Variants in NEBL observed in about 807,000 individuals in gnomAD.
NEBL encodes LIM and SH3 protein 2.
Under a neutral mutation model 140.2 loss-of-function variants are expected in NEBL, and 122 were observed. The observed-to-expected ratio is 0.87, with a 90% confidence interval of 0.75 to 1.01. The LOEUF is 1.01. NEBL is among the 50% of genes least tolerant of loss of function. The pLI, the probability that NEBL is intolerant of heterozygous loss-of-function variation, is 0.00. For synonymous variants in NEBL, 436 were observed against 398.9 expected, an observed-to-expected ratio of 1.09 and a Z score of -1.11; for missense variants, 1,365 against 1,231.3, an observed-to-expected ratio of 1.11 and a Z score of -1.62.
chr10:21,140,282 G>A (rs530970869), intron 2 of NEBL, among the ~76,000 whole-genome samples: 6 of 152,260 alleles, frequency 3.9e-5, no homozygotes, highest in African/African-American at 1.4e-4. Flanking sequence ...GTGAAAATAT[G>A]AGCGTTTTCA....
chr10:21,257,801 C>A (rs554202028), intron 1 of NEBL, among the ~76,000 whole-genome samples: 14 of 152,018 alleles, frequency 9.2e-5, no homozygotes, highest in South Asian at 4.2e-4. Context: ...AGGAGAATGG[C>A]GTGAAACCAG....
At chr10:20,803,228 T>G (rs1027704535) in intron 26 of NEBL, among the ~76,000 whole-genome samples, 1 of 152,174 alleles carries the variant, frequency 6.6e-6, no homozygotes, top group Non-Finnish European at 1.5e-5. Flanking sequence ...CAAGAATATA[T>G]TATACAGTTT....
Position 21,274,804 on chromosome 10 carries a change from CT to C in NEBL, n.182+18025del, listed in dbSNP as rs201568872. 5.9e-3 allele frequency among the ~76,000 whole-genome samples: 899 copies of C among 151,680 alleles called. 4 individuals are homozygous for C. The highest frequency in any genetic ancestry group is 0.02 in the African/African-American group (835 of 41,376). ...AAGAATCATAAGGAAAAAATATTTGCTTTTTTTAATTTAAATTATTAATATT... is the reference window on the plus strand; with the variant it reads ...AAGAATCATAAGGAAAAAATATTTGCTTTTTTAATTTAAATTATTAATATT... On this transcript the variant is annotated intron_variant and non_coding_transcript_variant, in intron 1 of 8. Coordinates refer to the NEBL transcript ENST00000675702.
chr10:20,946,900 C>T (rs898267389), intron 4 of NEBL, among the ~76,000 whole-genome samples: 1 of 151,966 alleles, frequency 6.6e-6, no homozygotes, highest in African/African-American at 2.4e-5. Context: ...TTTTTTGAAT[C>T]GTTAATAGCT....
chr10:21,247,543 T>C (rs900642494), intron 3 of NEBL, among the ~76,000 whole-genome samples: 3 of 152,318 alleles, frequency 2.0e-5, no homozygotes, highest in Non-Finnish European at 4.4e-5. Context: ...GGGGTCTTTC[T>C]AATTTTTCAC....
chr10:20,931,591 G>A (rs1305745956), intron 4 of NEBL, among the ~76,000 whole-genome samples: 1 of 152,034 alleles, frequency 6.6e-6, no homozygotes, highest in Admixed American at 6.5e-5. Flanking sequence ...AGGCCTCCTG[G>A]GGGAGGCTCC....
Position 20,828,719 on chromosome 10 carries a change from A to C in NEBL, c.1672-85T>G, listed in dbSNP as rs190846523. ...GAGGGAGGGAGGCAGGAAAGGAGGA[A>C]GGGAGAGAGAGAGAGTAAAAAACTG... On this transcript the variant is annotated intron_variant, in intron 16 of 27. Coordinates refer to ENST00000377122, the MANE Select transcript of NEBL (RefSeq NM_006393.3). 489 of 858,530 alleles carry C rather than the reference A, an allele frequency of 5.7e-4. 1 individual carries two copies. In the African/African-American group the frequency reaches 7.4e-3, roughly 13 times the overall value. The allele number at this position is 858,530 out of a possible 1,614,324, so 53.2% of individuals were successfully genotyped here.
chr10:21,198,089 T>C (rs1170661923), intron 3 of NEBL, among the ~76,000 whole-genome samples: 1 of 152,086 alleles, frequency 6.6e-6, no homozygotes, highest in Non-Finnish European at 1.5e-5. Context: ...ACAAACCTGT[T>C]GGTCATGTAA....
At chr10:21,269,043 G>T in intron 1 of NEBL, among the ~76,000 whole-genome samples, 1 of 152,228 alleles carries the variant, frequency 6.6e-6, no homozygotes, top group Non-Finnish European at 1.5e-5. Context: ...TTTGACCACC[G>T]CCAGAGCAGA....
At chr10:21,004,564 CA>C (rs1261607799) in intron 3 of NEBL, among the ~76,000 whole-genome samples, 1 of 152,000 alleles carries the variant, frequency 6.6e-6, no homozygotes, top group African/African-American at 2.4e-5. Context: ...ACTAAAAATA[CA>C]AAAAATCAGC....
chr10:21,180,354 A>C (rs1841367677), intron 3 of NEBL, among the ~76,000 whole-genome samples: 1 of 152,148 alleles, frequency 6.6e-6, no homozygotes, highest in South Asian at 2.1e-4. Context: ...TAAAATAATC[A>C]GTTGGAAAGG....
At chr10:21,072,228 T>C (rs1172115125) in intron 2 of NEBL, among the ~76,000 whole-genome samples, 1 of 152,090 alleles carries the variant, frequency 6.6e-6, no homozygotes, top group East Asian at 1.9e-4. Context: ...GTCACTTCAA[T>C]CCCTATCTTA....
rs1281219001 is a variant in NEBL, at chr10:20,785,236, T to C, written c.*511A>G. 1 of 168,532 alleles carries C rather than the reference T, an allele frequency of 5.9e-6. No homozygotes were observed. Among genetic ancestry groups the C allele is most frequent in the Non-Finnish European group, 1.3e-5 (1 of 77,574 alleles). 10.4% of individuals were successfully genotyped at this position (168,532 alleles called of 1,614,324 possible). A position where few individuals can be genotyped will look rare whatever the true frequency, so the allele number is the denominator to read the frequency against. On this transcript the variant is annotated 3_prime_UTR_variant, in exon 28 of 28. Transcript: ENST00000377122. ...CTAAGGCCACCAGTCAATATAATTT[T>C]AACCAGACTGTCCTTCTGCCACTGT...
chr10:21,178,970 C>T (rs1353332206), upstream of NEBL, among the ~76,000 whole-genome samples: 1 of 152,162 alleles, frequency 6.6e-6, no homozygotes, highest in Non-Finnish European at 1.5e-5. Context: ...ATGCCCAGAA[C>T]TGGTGAATAT....
At chr10:21,104,552 TGC>T (rs386741757) in intron 2 of NEBL, among the ~76,000 whole-genome samples, 2,198 of 152,292 alleles carry the variant, frequency 0.014, 46 homozygotes, top group African/African-American at 0.05. Flanking sequence ...TACATAGAAA[TGC>T]AAATGATTTT....
intron 3 of NEBL, among the ~76,000 whole-genome samples, chr10:21,227,176 CT>C (rs1044423026): frequency 1.3e-5 from 2 of 152,084 alleles, no homozygotes; most frequent in African/African-American, 4.8e-5. Flanking sequence ...TAAAAACCCA[CT>C]TATGGGACAG....
At chr10:20,829,655 C>G (rs1362041842) in intron 16 of NEBL, among the ~76,000 whole-genome samples, 1 of 151,746 alleles carries the variant, frequency 6.6e-6, no homozygotes, top group Admixed American at 6.6e-5. Flanking sequence ...TTCATTACAC[C>G]CTCGTAAGTA....
intron 26 of NEBL, among the ~76,000 whole-genome samples, chr10:20,801,316 G>A (rs938485271): frequency 2.0e-5 from 3 of 151,906 alleles, no homozygotes; most frequent in South Asian, 2.1e-4. Flanking sequence ...GGGTTCAAGC[G>A]ATTCTCATGC....
In NEBL at chr10:20,894,023, C is replaced by T. The variant is rs566646439; in HGVS notation, c.153+2935G>A. On this transcript the variant is annotated intron_variant, in intron 2 of 27. Coordinates refer to ENST00000377122, the MANE Select transcript of NEBL (RefSeq NM_006393.3). ...AAGCAAAACATCATCCTGCTCTACA[C>T]GTGATCTAGACCGTCCACATCTGTA... is the stretch of plus-strand genomic sequence containing the variant. Among the ~76,000 whole-genome samples the T allele has an allele frequency of 1.6e-3, 238 of 152,294 alleles. 1 individual carries two copies. Among genetic ancestry groups the T allele is most frequent in the Non-Finnish European group, 2.7e-3 (186 of 68,028 alleles).
Sources: gnomAD v4.1 joint callset for allele counts (sites outside exome capture counted in the v4.1 genomes callset) on GRCh38, gnomAD v4.1.1 for gene constraint, MANE v1.5 for transcripts, NCBI Gene and HGNC (gene_info 2026-07-23, HGNC 2026-07-21) for gene names.